The following FER variants were observed in gnomAD, a reference collection of about 807,000 sequenced individuals.
FER encodes FER tyrosine kinase.
FER carries 63 observed loss-of-function variants against 111.0 expected under a neutral mutation model. The observed-to-expected ratio is 0.57, with a 90% CI of 0.46 to 0.70. The LOEUF is 0.70. FER is among the 30% of genes least tolerant of loss of function. FER has a pLI of 0.00. For synonymous variants in FER, 327 were observed against 313.9 expected, an observed-to-expected ratio of 1.04 and a Z score of -0.44; for missense variants, 914 against 954.0, an observed-to-expected ratio of 0.96 and a Z score of 0.55.
At position 108,954,849 on chromosome 5, in the gene FER, G is replaced by A. The variant is rs1450470896; in HGVS notation, c.1450G>A (p.Glu484Lys). 6.2e-7 allele frequency: 1 copy of A among 1,612,148 alleles called. No homozygotes were observed. Among genetic ancestry groups the A allele is most frequent in the East Asian group, 2.2e-5 (1 of 44,786 alleles). ...AAAACAAGGAGACTTTTTGGTGCGA[G>A]AGAGTCATGGGAAACCTGGTGAATA... ...LKKQGDFLVR[E>K]SHGKPGEYVL... Residue 484 changes from glutamate to lysine, a missense_variant, in exon 12 of 20, where the codon GAG becomes AAG. By Grantham distance (56) the Glu-to-Lys change is moderately conservative (BLOSUM62 1). This residue lies in a region of FER where 774 missense variants were observed against 782.6 expected (regional missense o/e 0.99). Coordinates refer to ENST00000281092, the MANE Select transcript of FER (RefSeq NM_005246.4).
At chr5:108,849,567 T>C (rs904616545) in intron 5 of FER, among the ~76,000 whole-genome samples, 1 of 152,194 alleles carries the variant, frequency 6.6e-6, no homozygotes, top group African/African-American at 2.4e-5. Flanking sequence ...ACCTTTTATA[T>C]ATCTACTTAA....
At chr5:108,899,453 C>G (rs1469708288) in intron 10 of FER, among the ~76,000 whole-genome samples, 2 of 151,968 alleles carry the variant, frequency 1.3e-5, no homozygotes, top group Non-Finnish European at 2.9e-5. Context: ...CTTTTGTTCA[C>G]TGAGTGTGGT....
At chr5:109,021,162 T>C (rs1454993554) in intron 13 of FER, among the ~76,000 whole-genome samples, 1 of 151,980 alleles carries the variant, frequency 6.6e-6, no homozygotes, top group Non-Finnish European at 1.5e-5. Context: ...ATAATACGTA[T>C]ATTTGCTGTA....
At chr5:108,821,596 T>C (rs1312037191) in intron 3 of FER, among the ~76,000 whole-genome samples, 6 of 152,086 alleles carry the variant, frequency 3.9e-5, no homozygotes, top group Non-Finnish European at 7.4e-5. Flanking sequence ...TATTTATTTT[T>C]CATCCAATTT....
intron 3 of FER, among the ~76,000 whole-genome samples, chr5:108,818,670 C>T (rs563752379): frequency 4.6e-5 from 7 of 152,012 alleles, no homozygotes; most frequent in East Asian, 3.9e-4. Context: ...GATATTGGGG[C>T]GGTTAGATAA....
At chr5:108,993,211 G>A (rs1464713660) in intron 13 of FER, among the ~76,000 whole-genome samples, 14 of 152,216 alleles carry the variant, frequency 9.2e-5, no homozygotes, top group Admixed American at 7.2e-4. Flanking sequence ...AGGTTGTGGC[G>A]AGCTGAGATC....
At chr5:109,121,940 T>C (rs979379620) in intron 17 of FER, among the ~76,000 whole-genome samples, 1 of 152,096 alleles carries the variant, frequency 6.6e-6, no homozygotes, top group African/African-American at 2.4e-5. Context: ...TCAGTTATAA[T>C]GTTTCCTTTT....
intron 16 of FER, among the ~76,000 whole-genome samples, chr5:109,076,530 A>T (rs907843330): frequency 6.6e-6 from 1 of 152,098 alleles, no homozygotes; most frequent in African/African-American, 2.4e-5. Flanking sequence ...CCCTGGCTCA[A>T]GTGATCCTCC....
At chr5:108,774,145 G>T (rs977027461) in intron 2 of FER, among the ~76,000 whole-genome samples, 2 of 151,846 alleles carry the variant, frequency 1.3e-5, no homozygotes, top group South Asian at 2.1e-4. Flanking sequence ...GAGTGAGAAC[G>T]TGGGATGTTT....
chr5:109,121,702 TCAG>T (rs1455116383), intron 17 of FER, among the ~76,000 whole-genome samples: 1 of 152,118 alleles, frequency 6.6e-6, no homozygotes, highest in East Asian at 1.9e-4. Flanking sequence ...TTGGTAAAAT[TCAG>T]CAGTGAAGCC....
At chr5:109,075,959 T>C (rs576237747) in intron 16 of FER, among the ~76,000 whole-genome samples, 40 of 152,242 alleles carry the variant, frequency 2.6e-4, no homozygotes, top group Admixed American at 1.8e-3. Context: ...TAATTATTTT[T>C]ATAATGTATC....
chr5:109,081,441 A>G (rs72796550), intron 16 of FER, among the ~76,000 whole-genome samples: 7,305 of 152,128 alleles, frequency 0.048, 227 homozygotes, highest in Middle Eastern at 0.13. Flanking sequence ...TAGGAGAAAT[A>G]TCTGTTTATG....
At chr5:108,809,888 T>C (rs1249113440) in intron 3 of FER, among the ~76,000 whole-genome samples, 1 of 152,194 alleles carries the variant, frequency 6.6e-6, no homozygotes, top group Admixed American at 6.5e-5. Context: ...TTATCTGTCA[T>C]TTCTGAGTTT....
intron 10 of FER, among the ~76,000 whole-genome samples, chr5:108,933,631 A>C (rs867013147): frequency 3.3e-4 from 50 of 152,198 alleles, no homozygotes; most frequent in African/African-American, 1.2e-3. Context: ...AATTCTATGA[A>C]GAAAGTCAAT....
intron 3 of FER, among the ~76,000 whole-genome samples, chr5:108,822,793 T>TG (rs1169566080): frequency 1.1e-3 from 161 of 151,862 alleles, no homozygotes; most frequent in African/African-American, 3.4e-3. Context: ...TTTTATGTTA[T>TG]TTTATGTTAT....
At chr5:108,919,449 A>G (rs1336048977) in intron 10 of FER, among the ~76,000 whole-genome samples, 1 of 152,188 alleles carries the variant, frequency 6.6e-6, no homozygotes, top group Non-Finnish European at 1.5e-5. Flanking sequence ...TAAATTTTCC[A>G]AAAGATTCTT....
intron 17 of FER, among the ~76,000 whole-genome samples, chr5:109,177,282 C>T (rs1262255410): frequency 6.6e-6 from 1 of 152,064 alleles, no homozygotes; most frequent in Non-Finnish European, 1.5e-5. Context: ...AATCCTCACT[C>T]CCTGGGTTGT....
intron 10 of FER, among the ~76,000 whole-genome samples, chr5:108,922,107 G>A (rs1364352650): frequency 6.6e-5 from 10 of 152,152 alleles, no homozygotes; most frequent in African/African-American, 2.4e-4. Context: ...CACAAGCAAA[G>A]GAATGCCTGG....
At chr5:108,768,898 C>T (rs1031209657) in intron 2 of FER, among the ~76,000 whole-genome samples, 16 of 151,730 alleles carry the variant, frequency 1.1e-4, no homozygotes, top group African/African-American at 3.9e-4. Flanking sequence ...AATCTTGGCT[C>T]ATTGCAACCT....
Sources: allele counts gnomAD v4.1 joint callset (sites outside exome capture counted in the v4.1 genomes callset), GRCh38; gene constraint gnomAD v4.1.1; regional missense constraint gnomAD v4.1.1; transcripts MANE v1.5; gene names NCBI Gene and HGNC (gene_info 2026-07-23, HGNC 2026-07-21).